Variants in MSRA observed in about 807,000 individuals in gnomAD.
MSRA encodes methionine sulfoxide reductase A.
In MSRA, 54 loss-of-function variants were observed where a neutral mutation model predicts 31.3. The ratio of observed to expected loss-of-function variants is 1.73; its 90% CI spans 1.39 to 2.17. The LOEUF (loss-of-function observed/expected upper bound fraction) is 2.17. MSRA is among the 30% of genes most tolerant of loss of function. MSRA has a pLI of 0.00. For missense variants in MSRA, 507 were observed against 300.9 expected (o/e 1.69, Z -5.07); for synonymous variants, 169 against 116.5 (o/e 1.45, Z -2.90).
At chr8:10,261,817 T>C (rs955804748) in intron 3 of MSRA, among the ~76,000 whole-genome samples, 2 of 152,210 alleles carry the variant, frequency 1.3e-5, no homozygotes, top group Non-Finnish European at 2.9e-5. Context: ...TATAGAATCA[T>C]GCAGAATAGT....
chr8:10,282,847 A>C (rs1409198200), intron 3 of MSRA, among the ~76,000 whole-genome samples: 1 of 152,176 alleles, frequency 6.6e-6, no homozygotes, highest in African/African-American at 2.4e-5. Context: ...AACATTGAAA[A>C]GCAGGTTACT....
chr8:10,215,148 T>C (rs1339463595), intron 2 of MSRA, among the ~76,000 whole-genome samples: 2 of 152,178 alleles, frequency 1.3e-5, no homozygotes, highest in Non-Finnish European at 2.9e-5. Flanking sequence ...TTTACTTGTA[T>C]AGAGATCACT....
At chr8:10,241,349 G>A (rs1812394787) in intron 2 of MSRA, among the ~76,000 whole-genome samples, 1 of 152,152 alleles carries the variant, frequency 6.6e-6, no homozygotes, top group Non-Finnish European at 1.5e-5. Flanking sequence ...AATTTGAAGA[G>A]GGTCTCACTG....
intron 1 of MSRA, among the ~76,000 whole-genome samples, chr8:10,057,876 C>G (rs1052101102): frequency 4.6e-5 from 7 of 152,186 alleles, no homozygotes; most frequent in African/African-American, 1.4e-4. Flanking sequence ...GTTACCTTGT[C>G]TCAGGTAGTT....
At chr8:10,161,749 A>T (rs1200778991) in intron 1 of MSRA, among the ~76,000 whole-genome samples, 1 of 152,068 alleles carries the variant, frequency 6.6e-6, no homozygotes, top group African/African-American at 2.4e-5. Flanking sequence ...GGGTGTCTGC[A>T]TCTGGGCAGC....
intron 5 of MSRA, among the ~76,000 whole-genome samples, chr8:10,367,398 A>T (rs998334002): frequency 1.3e-5 from 2 of 152,216 alleles, no homozygotes; most frequent in African/African-American, 4.8e-5. Flanking sequence ...AGGTATGTAT[A>T]CGAAAAAATA....
At chr8:10,147,856 C>T (rs1803291264) in intron 1 of MSRA, among the ~76,000 whole-genome samples, 1 of 152,224 alleles carries the variant, frequency 6.6e-6, no homozygotes, top group Admixed American at 6.5e-5. Context: ...CACCGCCCTT[C>T]GACTCTGAGC....
At chr8:10,086,764 G>C (rs956824) in intron 1 of MSRA, among the ~76,000 whole-genome samples, 36,276 of 151,710 alleles carry the variant, frequency 0.24, 7,085 homozygotes, top group African/African-American at 0.54. Flanking sequence ...ATAAATCAAT[G>C]AATGCAAGTA....
chr8:10,360,371 T>G (rs1804775804), intron 5 of MSRA, among the ~76,000 whole-genome samples: 1 of 152,202 alleles, frequency 6.6e-6, no homozygotes, highest in Admixed American at 6.5e-5. Flanking sequence ...GTGGTTTCAT[T>G]CATGGACTTG....
chr8:10,338,478 G>C (rs1376391936), intron 5 of MSRA, among the ~76,000 whole-genome samples: 2 of 152,136 alleles, frequency 1.3e-5, no homozygotes, highest in Non-Finnish European at 1.5e-5. Context: ...GAATAACTAA[G>C]AGCACATTTA....
intron 5 of MSRA, among the ~76,000 whole-genome samples, chr8:10,378,695 G>A (rs1259913189): frequency 6.6e-6 from 1 of 152,210 alleles, no homozygotes; most frequent in Non-Finnish European, 1.5e-5. Flanking sequence ...GTCCCCATTG[G>A]CACCACCTGG....
intron 1 of MSRA, among the ~76,000 whole-genome samples, chr8:10,144,102 C>T (rs1350573334): frequency 7.2e-5 from 11 of 152,136 alleles, no homozygotes; most frequent in South Asian, 6.2e-4. Context: ...GTATAGTGAC[C>T]GGATTTAGCA....
At chr8:10,146,157 C>T (rs1047321536) in intron 1 of MSRA, among the ~76,000 whole-genome samples, 1 of 152,046 alleles carries the variant, frequency 6.6e-6, no homozygotes. Context: ...ACCACATAAC[C>T]CTAGAGCAGC....
rs1042717530 is a variant in MSRA at position 10,354,461 on chromosome 8, A to G, written c.543+34472A>G. On this transcript the variant is annotated intron_variant, in intron 5 of 5. Transcript: ENST00000317173. ...CTTTGTTTTACTTTTTGATTATGCA[A>G]TTTATGTTTATAGTGGAAAACAGGT... Among the ~76,000 whole-genome samples, 5 of 152,176 alleles carry G rather than the reference A, an allele frequency of 3.3e-5. No homozygotes were observed. The East Asian group carries it at 5.8e-4, about 18-fold the overall frequency.
At chr8:10,236,034 T>C (rs78328617) in intron 2 of MSRA, among the ~76,000 whole-genome samples, 4,994 of 152,214 alleles carry the variant, frequency 0.033, 276 homozygotes, top group African/African-American at 0.11. Context: ...GGAGAACATA[T>C]GATCATCTCA....
chr8:10,165,614 T>TA (rs1223499528), intron 1 of MSRA, among the ~76,000 whole-genome samples: 2 of 152,032 alleles, frequency 1.3e-5, no homozygotes, highest in Admixed American at 1.3e-4. Context: ...AATTTCCTGA[T>TA]AAAATGAAAA....
At chr8:10,367,334 A>G (rs1805224870) in intron 5 of MSRA, among the ~76,000 whole-genome samples, 1 of 152,210 alleles carries the variant, frequency 6.6e-6, no homozygotes, top group Admixed American at 6.6e-5. Context: ...CTGCTTTATT[A>G]GTGTTGCGAT....
intron 2 of MSRA, among the ~76,000 whole-genome samples, chr8:10,219,199 A>G (rs1810265264): frequency 6.6e-6 from 1 of 152,214 alleles, no homozygotes; most frequent in African/African-American, 2.4e-5. Context: ...CCCATAGCGA[A>G]GATTAACAGC....
intron 3 of MSRA, among the ~76,000 whole-genome samples, chr8:10,264,231 C>G (rs1798626648): frequency 6.6e-6 from 1 of 152,148 alleles, no homozygotes; most frequent in South Asian, 2.1e-4. Context: ...AAAGTCACTG[C>G]TATCATTGTT....
Sources: allele counts gnomAD v4.1 joint callset (sites outside exome capture counted in the v4.1 genomes callset), GRCh38; gene constraint gnomAD v4.1.1; transcripts MANE v1.5; gene names NCBI Gene and HGNC (gene_info 2026-07-23, HGNC 2026-07-21).